Variants in NCKAP1 observed in about 807,000 individuals in gnomAD.
The protein encoded by NCKAP1 is NCK associated protein 1.
NCKAP1 carries 21 observed loss-of-function variants against 151.2 expected under a neutral mutation model. That is an observed-to-expected ratio of 0.14 (90% CI 0.10 to 0.20). NCKAP1 has a LOEUF of 0.20. NCKAP1 is among the 10% of genes least tolerant of loss of function. The pLI, the probability that NCKAP1 is intolerant of heterozygous loss-of-function variation, is 1.00. For missense variants in NCKAP1, 933 were observed against 1,352.1 expected (o/e 0.69, Z 4.86); for synonymous variants, 484 against 451.8 (o/e 1.07, Z -0.90).
intron 2 of NCKAP1, among the ~76,000 whole-genome samples, chr2:183,014,381 C>T (rs992651703): frequency 6.6e-6 from 1 of 151,862 alleles, no homozygotes; most frequent in Non-Finnish European, 1.5e-5. Flanking sequence ...GAGACTATTC[C>T]AGATAGTAAA....
chr2:182,989,767 C>G (rs1463498099), intron 8 of NCKAP1, among the ~76,000 whole-genome samples: 1 of 151,268 alleles, frequency 6.6e-6, no homozygotes, highest in Admixed American at 6.6e-5. Flanking sequence ...TTTGGGAGGC[C>G]AAGGCAGGCG....
chr2:182,977,370 G>C (rs925804041), intron 14 of NCKAP1, among the ~76,000 whole-genome samples: 7 of 152,054 alleles, frequency 4.6e-5, no homozygotes, highest in African/African-American at 1.7e-4. Flanking sequence ...CGTGCCTGTA[G>C]TCCCAGCTAC....
intron 17 of NCKAP1, among the ~76,000 whole-genome samples, chr2:182,963,043 A>G (rs574901281): frequency 5.9e-5 from 9 of 152,220 alleles, no homozygotes; most frequent in African/African-American, 2.2e-4. Flanking sequence ...ATATATGTAG[A>G]GCTTACATAC....
intron 16 of NCKAP1, 103 bp downstream of exon 16, chr2:182,967,113 T>C (rs768740810): frequency 2.1e-5 from 22 of 1,047,630 alleles, no homozygotes; most frequent in Non-Finnish European, 3.0e-5. Flanking sequence ...TAAGGATCTA[T>C]TACTGAACTG....
chr2:182,995,710 C>T lies in NCKAP1; in HGVS notation c.732G>A (p.Gln244=). 1.2e-6 allele frequency: 2 copies of T among 1,613,428 alleles called. No homozygotes were observed. Among genetic ancestry groups the T allele is most frequent in the Non-Finnish European group, 1.7e-6 (2 of 1,179,660 alleles). The part of the protein sequence containing the change: ...SAPSTMLNPA[Q]SDTMPCEYLS... Reference sequence around the variant, plus strand: ...AAAAATAGAACCATACAGTGTCGGACTGTGCTGGATTAAGCATTGTACTAG... The same window carrying T: ...AAAAATAGAACCATACAGTGTCGGATTGTGCTGGATTAAGCATTGTACTAG... The change falls in exon 7 of 31, where the codon CAG becomes CAA. Residue 244 remains glutamine (Q), a synonymous_variant. Transcript: ENST00000361354.
intron 26 of NCKAP1, among the ~76,000 whole-genome samples, chr2:182,933,334 A>G (rs1007431986): frequency 6.6e-6 from 1 of 151,862 alleles, no homozygotes; most frequent in Non-Finnish European, 1.5e-5. Context: ...AGAGAGTGAG[A>G]GAAGGAAGAA....
In NCKAP1 at chr2:182,913,310, A is replaced by C. The variant is rs1049084391; in HGVS notation, c.*12392T>G. Reference sequence around the variant, plus strand: ...TTCATGTGTTGGAAATTTGGTCCCCAGTGCAGCAGTGTTGAGAGGTGGGAC... The same window carrying C: ...TTCATGTGTTGGAAATTTGGTCCCCCGTGCAGCAGTGTTGAGAGGTGGGAC... On this transcript the variant is annotated 3_prime_UTR_variant, in exon 31 of 31. Coordinates refer to ENST00000361354, the MANE Select transcript of NCKAP1 (RefSeq NM_013436.5). 1 of 152,296 alleles carries C rather than the reference A, an allele frequency of 6.6e-6. No individual in the cohort carries two copies. Among genetic ancestry groups the C allele is most frequent in the African/African-American group, 2.4e-5 (1 of 41,472 alleles). 9.4% of individuals were successfully genotyped at this position (152,296 alleles called of 1,614,324 possible). A position where few individuals can be genotyped will look rare whatever the true frequency, so the allele number is the denominator to read the frequency against.
chr2:182,942,688 ACTAT>A (rs746834782), intron 23 of NCKAP1, among the ~76,000 whole-genome samples: 4 of 152,072 alleles, frequency 2.6e-5, no homozygotes, highest in Non-Finnish European at 4.4e-5. Flanking sequence ...GGAAGTATAA[ACTAT>A]CTACTCCTCT....
intron 4 of NCKAP1, 22 bp from the exon 5 acceptor site, chr2:183,002,291 T>C: frequency 7.0e-7 from 1 of 1,426,704 alleles, no homozygotes; most frequent in Non-Finnish European, 9.6e-7. Context: ...AAAAATCAAG[T>C]TCAACTACTT....
At chr2:182,988,665 T>C (rs1340514346) in intron 9 of NCKAP1, among the ~76,000 whole-genome samples, 2 of 152,198 alleles carry the variant, frequency 1.3e-5, no homozygotes, top group African/African-American at 4.8e-5. Context: ...CATATACTTT[T>C]ACAAGTACAC....
intron 2 of NCKAP1, among the ~76,000 whole-genome samples, chr2:183,022,663 C>T (rs759829082): frequency 3.3e-5 from 5 of 151,998 alleles, no homozygotes; most frequent in Non-Finnish European, 7.4e-5. Context: ...ACCTGTACTC[C>T]CCAAAAACAG....
At chr2:183,007,672 A>G (rs1698504531) in intron 2 of NCKAP1, among the ~76,000 whole-genome samples, 1 of 152,186 alleles carries the variant, frequency 6.6e-6, no homozygotes. Flanking sequence ...TTAAAAAAAA[A>G]CCAAATTCAG....
At chr2:183,029,350 A>C (rs1233485683) in intron 1 of NCKAP1, among the ~76,000 whole-genome samples, 2 of 152,032 alleles carry the variant, frequency 1.3e-5, no homozygotes, top group Non-Finnish European at 2.9e-5. Context: ...ACTCTACCAC[A>C]AACCCCCATA....
chr2:182,943,636 C>T (rs1342110958), intron 23 of NCKAP1, among the ~76,000 whole-genome samples: 1 of 150,066 alleles, frequency 6.7e-6, no homozygotes, highest in African/African-American at 2.4e-5. Context: ...CTATGTGTCA[C>T]TAAAAGGAAA....
chr2:182,970,252 T>G (rs1487135709), intron 15 of NCKAP1, among the ~76,000 whole-genome samples: 2 of 152,168 alleles, frequency 1.3e-5, no homozygotes, highest in African/African-American at 4.8e-5. Flanking sequence ...TTTCAAATAC[T>G]CATTCTATGA....
chr2:183,038,355 A>AC lies in NCKAP1; in HGVS notation c.-257dup, dbSNP rs1699150466. On this transcript the variant is annotated 5_prime_UTR_variant, in exon 1 of 31. Coordinates refer to ENST00000361354, the MANE Select transcript of NCKAP1 (RefSeq NM_013436.5). Reference sequence around the variant, plus strand: ...TTCCGCCCGCCGCCCTTCCGCCCCCACCCCCGGCGCTCTCCGCCCCAGCCC... The same window carrying AC: ...TTCCGCCCGCCGCCCTTCCGCCCCCACCCCCCGGCGCTCTCCGCCCCAGCCC... 1.5e-5 allele frequency: 4 copies of AC among 273,060 alleles called. No homozygotes were observed. The South Asian group carries it at 5.5e-4, about 37-fold the overall frequency. The allele number at this position is 273,060 out of a possible 1,614,324, so 16.9% of individuals were successfully genotyped here.
chr2:182,993,844 T>G (rs569743186), intron 8 of NCKAP1, among the ~76,000 whole-genome samples: 1 of 152,182 alleles, frequency 6.6e-6, no homozygotes, highest in South Asian at 2.1e-4. Context: ...TGCACATGTA[T>G]GCATGAACCT....
chr2:182,941,940 T>C, intron 24 of NCKAP1, 130 bp downstream of exon 24: 2 of 670,722 alleles, frequency 3.0e-6, no homozygotes, highest in Non-Finnish European at 2.5e-6. Context: ...AATGTTCTAG[T>C]TCTCTTCATA....
intron 20 of NCKAP1, among the ~76,000 whole-genome samples, chr2:182,955,807 TCC>T: frequency 6.6e-6 from 1 of 152,100 alleles, no homozygotes; most frequent in African/African-American, 2.4e-5. Flanking sequence ...TTTCTTTCCC[TCC>T]CACTTTTCTC....
Sources: allele counts gnomAD v4.1 joint callset (sites outside exome capture counted in the v4.1 genomes callset), GRCh38; gene constraint gnomAD v4.1.1; transcripts MANE v1.5; gene names NCBI Gene and HGNC (gene_info 2026-07-23, HGNC 2026-07-21).